The following CHN1 variants were observed in gnomAD, a reference collection of about 807,000 sequenced individuals.
CHN1 encodes chimerin 1.
Under a neutral mutation model 59.5 loss-of-function variants are expected in CHN1, and 37 were observed. That is an observed-to-expected ratio of 0.62 (90% confidence interval 0.48 to 0.82). The LOEUF (loss-of-function observed/expected upper bound fraction) is 0.82, where lower values mean the gene tolerates loss of function less well. Among genes scored for constraint, CHN1 ranks in the 40% least tolerant of loss-of-function variants. The pLI, the probability that CHN1 is intolerant of heterozygous loss-of-function variation, is 0.00. For missense variants in CHN1, 469 were observed against 571.0 expected (o/e 0.82, Z 1.82); for synonymous variants, 206 against 200.4 (o/e 1.03, Z -0.24).
intron 1 of CHN1, among the ~76,000 whole-genome samples, chr2:174,968,052 C>A (rs1269297426): frequency 2.6e-5 from 4 of 152,144 alleles, no homozygotes; most frequent in African/African-American, 4.8e-5. Context: ...AAAATAGCAA[C>A]CCTTCAAAGT....
At chr2:174,974,937 A>ACACACACACG in intron 1 of CHN1, among the ~76,000 whole-genome samples, 1 of 151,126 alleles carries the variant, frequency 6.6e-6, no homozygotes, top group Admixed American at 6.6e-5. Flanking sequence ...ACACACACAC[A>ACACACACACG]GAACAAATCG....
At chr2:174,840,472 C>G (rs1376948465) in intron 7 of CHN1, among the ~76,000 whole-genome samples, 1 of 152,014 alleles carries the variant, frequency 6.6e-6, no homozygotes. Context: ...GGCCCCAAAC[C>G]CTTCCTATGA....
chr2:174,843,305 T>G (rs941527105), intron 7 of CHN1, among the ~76,000 whole-genome samples: 12 of 152,178 alleles, frequency 7.9e-5, no homozygotes, highest in Non-Finnish European at 1.3e-4. Context: ...AGTGATGTGA[T>G]CTCGGCTCAC....
chr2:174,829,418 T>C (rs1305027334), intron 7 of CHN1, among the ~76,000 whole-genome samples: 1 of 152,236 alleles, frequency 6.6e-6, no homozygotes. Flanking sequence ...CCTGCCATTA[T>C]TCAGACTAAA....
chr2:174,862,414 C>T (rs1687096458), intron 6 of CHN1, among the ~76,000 whole-genome samples: 2 of 151,614 alleles, frequency 1.3e-5, no homozygotes, highest in South Asian at 4.2e-4. Context: ...CTCACTGCAA[C>T]CTCCGCCTCC....
At chr2:174,875,864 A>C (rs1687549252) in intron 6 of CHN1, 1 of 981,090 alleles carries the variant, frequency 1.0e-6, no homozygotes, top group South Asian at 4.7e-5. Flanking sequence ...GTTGGATGAC[A>C]CCTGTAAATA....
intron 6 of CHN1, among the ~76,000 whole-genome samples, chr2:174,860,399 A>T (rs114386284): frequency 0.012 from 1,800 of 152,262 alleles, 25 homozygotes; most frequent in African/African-American, 0.041. Flanking sequence ...AAAGAATATA[A>T]TGTAAAAAAA....
intron 8 of CHN1, chr2:174,821,711 G>A: frequency 2.2e-6 from 1 of 456,806 alleles, no homozygotes; most frequent in Admixed American, 2.4e-5. Flanking sequence ...CATCTTGGAA[G>A]CAGAGTTGGA....
At chr2:174,967,180 C>T (rs1375526609) in intron 1 of CHN1, among the ~76,000 whole-genome samples, 1 of 151,816 alleles carries the variant, frequency 6.6e-6, no homozygotes, top group Non-Finnish European at 1.5e-5. Flanking sequence ...CCCGTCTCTA[C>T]AAAAAATACA....
At chr2:174,808,699 C>G (rs1311153214) in intron 11 of CHN1, among the ~76,000 whole-genome samples, 1 of 152,146 alleles carries the variant, frequency 6.6e-6, no homozygotes, top group Non-Finnish European at 1.5e-5. Flanking sequence ...TGAGGTTTAG[C>G]ACATTACAAA....
chr2:174,955,461 T>C (rs1175846157), intron 1 of CHN1, among the ~76,000 whole-genome samples: 2 of 151,712 alleles, frequency 1.3e-5, no homozygotes, highest in East Asian at 1.9e-4. Context: ...ATAAGAATGA[T>C]ACAATGGACT....
intron 5 of CHN1, among the ~76,000 whole-genome samples, chr2:174,886,364 T>C (rs772102662): frequency 3.3e-5 from 5 of 152,190 alleles, no homozygotes; most frequent in Non-Finnish European, 5.9e-5. Context: ...CCAAAGACTA[T>C]TGTAGTGTAT....
chr2:174,991,858 T>C (rs1691557160), intron 1 of CHN1, among the ~76,000 whole-genome samples: 1 of 152,252 alleles, frequency 6.6e-6, no homozygotes, highest in African/African-American at 2.4e-5. Context: ...AAGTACCTGC[T>C]ATGTGTGAAG....
intron 6 of CHN1, among the ~76,000 whole-genome samples, chr2:174,867,331 T>G (rs1687251669): frequency 6.6e-6 from 1 of 151,562 alleles, no homozygotes; most frequent in Non-Finnish European, 1.5e-5. Context: ...GAGCCGAGAT[T>G]GTGTCAAACT....
intron 11 of CHN1, 114 bp downstream of exon 11, chr2:174,808,787 TAGAG>T: frequency 9.3e-7 from 1 of 1,077,148 alleles, no homozygotes; most frequent in South Asian, 1.4e-5. Flanking sequence ...ACATTAACCA[TAGAG>T]AGAGGCAAAG....
chr2:174,895,198 G>GTATA (rs373448897), intron 5 of CHN1, among the ~76,000 whole-genome samples: 71 of 141,134 alleles, frequency 5.0e-4, no homozygotes, highest in African/African-American at 1.5e-3. Context: ...GTGTGTGTGT[G>GTATA]TATATATATA....
At chr2:174,830,469 C>T (rs1685840881) in intron 7 of CHN1, among the ~76,000 whole-genome samples, 2 of 152,084 alleles carry the variant, frequency 1.3e-5, no homozygotes, top group African/African-American at 4.8e-5. Context: ...AAACTACTAA[C>T]CACCCTATAA....
rs374148201 is a variant in CHN1, at chr2:174,973,659, T to C, written c.20-21457A>G. 5.3e-5 allele frequency among the ~76,000 whole-genome samples: 8 copies of C among 152,176 alleles called. No individual in the cohort carries two copies. In the East Asian group the frequency reaches 9.6e-4, roughly 18 times the overall value. On this transcript the variant is annotated intron_variant, in intron 1 of 12. Coordinates refer to ENST00000409900, the MANE Select transcript of CHN1 (RefSeq NM_001822.7). ...TTGATGTGAGTTTCAGGACTGACGA[T>C]GTGGACCCACCCCACTTTGTGCTGC...
At chr2:174,923,521 G>C (rs779872350) in intron 3 of CHN1, among the ~76,000 whole-genome samples, 1 of 152,142 alleles carries the variant, frequency 6.6e-6, no homozygotes, top group Non-Finnish European at 1.5e-5. Flanking sequence ...CCAACATTTT[G>C]AGAAGAGATC....
Sources: gnomAD v4.1 joint callset for allele counts (sites outside exome capture counted in the v4.1 genomes callset) on GRCh38, gnomAD v4.1.1 for gene constraint, MANE v1.5 for transcripts, NCBI Gene and HGNC (gene_info 2026-07-23, HGNC 2026-07-21) for gene names.